The following BLTP1 variants were observed in gnomAD, a reference collection of about 807,000 sequenced individuals.
BLTP1 encodes the protein fragile site-associated protein.
At chr4:122,313,763 T>C in the BLTP1 span, 2 of 890,706 alleles carry the variant, frequency 2.2e-6, no homozygotes, top group Non-Finnish European at 3.5e-6. Context: ...ATCTTTTGGC[T>C]AAGCTAATTC....
chr4:122,231,734 T>A, the BLTP1 span: 1 of 976,542 alleles, frequency 1.0e-6, no homozygotes, highest in Non-Finnish European at 1.2e-6. Context: ...GGGGTGCATG[T>A]GTATATTATT....
chr4:122,253,772 A>G, the BLTP1 span, among the ~76,000 whole-genome samples: 1 of 152,170 alleles, frequency 6.6e-6, no homozygotes, highest in Non-Finnish European at 1.5e-5. Flanking sequence ...ACCTTGAGAA[A>G]GATATCAATA....
At chr4:122,188,987 C>T in the BLTP1 span, 1 of 985,200 alleles carries the variant, frequency 1.0e-6, no homozygotes, top group African/African-American at 1.7e-5. Context: ...TTCCTGGCCT[C>T]ACTCTTCAAG....
the BLTP1 span, chr4:122,344,890 A>T: frequency 1.0e-6 from 1 of 984,882 alleles, no homozygotes; most frequent in Non-Finnish European, 1.2e-6. Context: ...TTAAAACACT[A>T]AAACGGGATG....
chr4:122,361,965 T>C, the BLTP1 span: 1 of 1,550,554 alleles, frequency 6.4e-7, no homozygotes, highest in Non-Finnish European at 8.7e-7. Flanking sequence ...GATGTTCTTT[T>C]CCTACCATTA....
At chr4:122,182,782 A>G in the BLTP1 span, 1 of 985,312 alleles carries the variant, frequency 1.0e-6, no homozygotes, top group East Asian at 1.1e-4. Flanking sequence ...GTTTATATGC[A>G]TCTGCTCTAC....
At chr4:122,307,815 A>G in the BLTP1 span, 1 of 1,479,930 alleles carries the variant, frequency 6.8e-7, no homozygotes, top group East Asian at 2.3e-5. Context: ...GATCTTTCCT[A>G]ATTCTAATGC....
the BLTP1 span, chr4:122,280,171 G>A: frequency 1.0e-6 from 1 of 985,432 alleles, no homozygotes; most frequent in Non-Finnish European, 1.2e-6. Flanking sequence ...TTAAAGTACA[G>A]TGTCGTCAGT....
chr4:122,359,000 T>C, the BLTP1 span, among the ~76,000 whole-genome samples: 1 of 151,660 alleles, frequency 6.6e-6, no homozygotes, highest in African/African-American at 2.4e-5. Context: ...CAACTAGCCA[T>C]TAGCATACAA....
At chr4:122,164,913 T>A in the BLTP1 span, among the ~76,000 whole-genome samples, 6 of 152,178 alleles carry the variant, frequency 3.9e-5, no homozygotes, top group African/African-American at 1.4e-4. Context: ...TGTAAGAATA[T>A]AATTATTTAG....
the BLTP1 span, among the ~76,000 whole-genome samples, chr4:122,194,157 C>A: frequency 6.6e-6 from 1 of 152,154 alleles, no homozygotes; most frequent in Non-Finnish European, 1.5e-5. Context: ...CCACTGCGCC[C>A]GGCCTCAAGT....
the BLTP1 span, chr4:122,192,248 A>G: frequency 3.1e-6 from 5 of 1,612,800 alleles, no homozygotes; most frequent in Admixed American, 3.3e-5. Flanking sequence ...CGGAAGAAAC[A>G]GAAGAAAATA....
the BLTP1 span, among the ~76,000 whole-genome samples, chr4:122,322,746 G>A: frequency 6.6e-6 from 1 of 152,068 alleles, no homozygotes; most frequent in African/African-American, 2.4e-5. Flanking sequence ...TCCCAACTTA[G>A]ATGGACCAGT....
chr4:122,210,743 A>T, the BLTP1 span: 6 of 1,027,122 alleles, frequency 5.8e-6, no homozygotes, highest in South Asian at 4.1e-5. Flanking sequence ...GTCTGTTTTC[A>T]TTATATATAC....
the BLTP1 span, among the ~76,000 whole-genome samples, chr4:122,332,269 A>G: frequency 3.4e-4 from 51 of 152,098 alleles, no homozygotes; most frequent in African/African-American, 1.2e-3. Flanking sequence ...ATAAAATATG[A>G]GAAAATAAAA....
chr4:122,317,384 T>C, the BLTP1 span, among the ~76,000 whole-genome samples: 1 of 152,122 alleles, frequency 6.6e-6, no homozygotes, highest in African/African-American at 2.4e-5. Flanking sequence ...TCACAACTTA[T>C]TTCTGAGCAC....
At chr4:122,336,916 G>A in the BLTP1 span, 1 of 1,609,114 alleles carries the variant, frequency 6.2e-7, no homozygotes, top group Non-Finnish European at 8.5e-7. Context: ...GGGACATTTT[G>A]AAATACCAGA....
the BLTP1 span, among the ~76,000 whole-genome samples, chr4:122,213,776 A>G: frequency 1.4e-4 from 22 of 152,290 alleles, no homozygotes; most frequent in East Asian, 3.5e-3. Flanking sequence ...GATGTAGACA[A>G]TATTGTAATT....
chr4:122,253,741 TAAC>T, the BLTP1 span, among the ~76,000 whole-genome samples: 1 of 151,774 alleles, frequency 6.6e-6, no homozygotes, highest in South Asian at 2.1e-4. Flanking sequence ...TTTAAAGGGG[TAAC>T]AACAGAGAAC....
Sources: allele counts gnomAD v4.1 joint callset (sites outside exome capture counted in the v4.1 genomes callset), GRCh38; gene constraint gnomAD v4.1.1; transcripts MANE v1.5; gene names NCBI Gene and HGNC (gene_info 2026-07-23, HGNC 2026-07-21).